SLC5A4: variants seen among roughly 807,000 people sequenced by gnomAD.
SLC5A4 encodes solute carrier family 5 member 4.
In SLC5A4, 55 loss-of-function variants were observed where a neutral mutation model predicts 70.3. That is an observed-to-expected ratio of 0.78 (90% CI 0.63 to 0.98). The LOEUF (loss-of-function observed/expected upper bound fraction) is 0.98, where lower values mean the gene tolerates loss of function less well. Ranked by LOEUF, SLC5A4 falls within the 50% of genes least tolerant of loss-of-function variation. The probability of loss-of-function intolerance (pLI) is 0.00; values close to 1 mark genes in which losing one functional copy is unlikely to be tolerated. For synonymous variants in SLC5A4, 268 were observed against 305.7 expected (o/e 0.88, Z 1.29); for missense variants, 735 against 839.2 (o/e 0.88, Z 1.53).
the SLC5A4 span, among the ~76,000 whole-genome samples, chr22:32,285,798 G>A: frequency 9.3e-5 from 14 of 151,268 alleles, no homozygotes; most frequent in Middle Eastern, 3.4e-3. Flanking sequence ...GTGCAGCGGC[G>A]CGATCTCGGC....
chr22:32,224,991 T>C (rs746627788), intron 12 of SLC5A4, among the ~76,000 whole-genome samples: 1 of 152,162 alleles, frequency 6.6e-6, no homozygotes, highest in Non-Finnish European at 1.5e-5. Flanking sequence ...AGATTAATGG[T>C]ATGAGCTTTG....
chr22:32,341,328 G>A, the SLC5A4 span, among the ~76,000 whole-genome samples: 1 of 152,142 alleles, frequency 6.6e-6, no homozygotes, highest in Non-Finnish European at 1.5e-5. Context: ...CCGCAAAGAG[G>A]AGCAAGAAGG....
intron 8 of SLC5A4, among the ~76,000 whole-genome samples, chr22:32,234,632 G>A (rs1925955226): frequency 6.6e-6 from 1 of 152,162 alleles, no homozygotes; most frequent in African/African-American, 2.4e-5. Flanking sequence ...CCGGGAGGTG[G>A]AGGTTGCAGT....
chr22:32,328,044 C>T, the SLC5A4 span, among the ~76,000 whole-genome samples: 4 of 151,628 alleles, frequency 2.6e-5, no homozygotes, highest in South Asian at 2.1e-4. Context: ...ATTCACAAGC[C>T]GTGTGACCTT....
chr22:32,311,867 T>C, the SLC5A4 span, among the ~76,000 whole-genome samples: 1 of 152,140 alleles, frequency 6.6e-6, no homozygotes, highest in Non-Finnish European at 1.5e-5. Context: ...GGGTGTGCCC[T>C]GGCTGGGGAT....
the SLC5A4 span, among the ~76,000 whole-genome samples, chr22:32,309,771 T>C: frequency 1.8e-3 from 278 of 152,058 alleles, no homozygotes; most frequent in African/African-American, 6.5e-3. Flanking sequence ...ACCTCACACA[T>C]TTGACAGATA....
chr22:32,240,309 C>T (rs1926442164), intron 5 of SLC5A4, among the ~76,000 whole-genome samples: 1 of 151,810 alleles, frequency 6.6e-6, no homozygotes, highest in African/African-American at 2.4e-5. Context: ...AGACTATGAT[C>T]AACTTAAAAA....
At chr22:32,316,496 G>A in the SLC5A4 span, among the ~76,000 whole-genome samples, 1 of 151,392 alleles carries the variant, frequency 6.6e-6, no homozygotes, top group South Asian at 2.1e-4. Context: ...TGGAAATTTA[G>A]GGAGAAAAAG....
chr22:32,292,133 T>TTATATAATA, the SLC5A4 span, among the ~76,000 whole-genome samples: 1 of 36,922 alleles, frequency 2.7e-5, no homozygotes, highest in South Asian at 7.0e-4. Context: ...ATACTAGATA[T>TTATATAATA]TATATATTAT....
chr22:32,323,630 G>A, the SLC5A4 span, among the ~76,000 whole-genome samples: 1 of 152,244 alleles, frequency 6.6e-6, no homozygotes, highest in Non-Finnish European at 1.5e-5. Context: ...CCCAGGGGCT[G>A]AGGGAAGAGG....
the SLC5A4 span, among the ~76,000 whole-genome samples, chr22:32,293,798 A>C: frequency 6.6e-6 from 1 of 152,102 alleles, no homozygotes; most frequent in South Asian, 2.1e-4. Flanking sequence ...GGGGCCCATT[A>C]GTTATTAGTT....
chr22:32,353,488 G>A, the SLC5A4 span, among the ~76,000 whole-genome samples: 1 of 152,042 alleles, frequency 6.6e-6, no homozygotes, highest in African/African-American at 2.4e-5. Flanking sequence ...CCGCGCTCCA[G>A]CAGGAGGAGA....
chr22:32,354,255 G>C, the SLC5A4 span, among the ~76,000 whole-genome samples: 1 of 128,564 alleles, frequency 7.8e-6, no homozygotes, highest in African/African-American at 3.1e-5. Flanking sequence ...TGCTATCTCT[G>C]TCTCAGTGTA....
In SLC5A4 at chr22:32,220,966, A is replaced by G. The variant is rs1270145727; in HGVS notation, c.1722T>C (p.Asp574=). 3 of 1,614,044 alleles carry G rather than the reference A, an allele frequency of 1.9e-6. No individual in the cohort carries two copies. The highest frequency in any genetic ancestry group is 4.5e-5 in the East Asian group (2 of 44,882). ...TTTCTTCCTGACTTTTCTCTTCTGC[A>G]TCTATATCGATTCGCTCCTCTGTAC... is the stretch of plus-strand genomic sequence containing the variant. ...RNSTEERIDI[D]AEEKSQEETD... The change falls in exon 14 of 15, where the codon GAT becomes GAC. Residue 574 remains aspartate, a synonymous_variant. Coordinates refer to ENST00000266086, the MANE Select transcript of SLC5A4 (RefSeq NM_014227.3).
chr22:32,315,847 T>C, the SLC5A4 span, among the ~76,000 whole-genome samples: 1 of 137,912 alleles, frequency 7.3e-6, no homozygotes, highest in African/African-American at 2.7e-5. Flanking sequence ...GCACTGAAGG[T>C]AGAATGATTC....
the SLC5A4 span, chr22:32,269,880 C>T: frequency 7.2e-5 from 42 of 582,398 alleles, no homozygotes; most frequent in African/African-American, 2.2e-4. This position sits in a 1 kb window ranked among gnomAD's most constrained non-coding sequence, Gnocchi z 4.1. Flanking sequence ...GCGTAGCGTC[C>T]GAGTGTTCCA....
At chr22:32,242,086 T>C (rs1305097336) in intron 5 of SLC5A4, among the ~76,000 whole-genome samples, 1 of 152,142 alleles carries the variant, frequency 6.6e-6, no homozygotes, top group Non-Finnish European at 1.5e-5. Flanking sequence ...TGTGTGAATA[T>C]ATCTATTTAT....
chr22:32,292,313 TTTTC>T, the SLC5A4 span, among the ~76,000 whole-genome samples: 7 of 142,006 alleles, frequency 4.9e-5, no homozygotes, highest in Admixed American at 1.5e-4. Flanking sequence ...TTATATATAT[TTTTC>T]TAATATATAT....
the SLC5A4 span, among the ~76,000 whole-genome samples, chr22:32,288,517 T>A: frequency 1.3e-5 from 2 of 152,196 alleles, no homozygotes; most frequent in Non-Finnish European, 2.9e-5. Context: ...ATGAATGAGA[T>A]AACATATTGC....
Sources: gnomAD v4.1 joint callset for allele counts (sites outside exome capture counted in the v4.1 genomes callset) on GRCh38, gnomAD v4.1.1 for gene constraint, Gnocchi (gnomAD v3.1) non-coding constraint, MANE v1.5 for transcripts, NCBI Gene and HGNC (gene_info 2026-07-23, HGNC 2026-07-21) for gene names.